Variants in LTBP1 observed in about 807,000 individuals in gnomAD.
LTBP1 encodes latent-transforming growth factor beta-binding protein 1.
In LTBP1, 129 loss-of-function variants were observed where a neutral mutation model predicts 207.6. The observed-to-expected ratio is 0.62, with a 90% CI of 0.54 to 0.72. The LOEUF (loss-of-function observed/expected upper bound fraction) is 0.72. Ranked by LOEUF, LTBP1 falls within the 30% of genes least tolerant of loss-of-function variation. The probability of loss-of-function intolerance (pLI) is 0.00; values close to 1 mark genes in which losing one functional copy is unlikely to be tolerated. For synonymous variants in LTBP1, 963 were observed against 833.7 expected (o/e 1.16, Z -2.67); for missense variants, 2,281 against 2,217.2 (o/e 1.03, Z -0.58).
In LTBP1 at chr2:33,168,242, G is replaced by C. The variant is rs539514153; in HGVS notation, c.1202-18614G>C. Among the ~76,000 whole-genome samples, 6 of 151,970 alleles carry C rather than the reference G, an allele frequency of 3.9e-5. No homozygotes were observed. The South Asian group carries it at 1.2e-3, about 32-fold the overall frequency. Reference sequence around the variant, plus strand: ...AAAATAAAAAAAGAAAATTAGCCAGGCTTAGTGGCACATGCCTGTAGTCCT... The same window carrying C: ...AAAATAAAAAAAGAAAATTAGCCAGCCTTAGTGGCACATGCCTGTAGTCCT... On this transcript the variant is annotated intron_variant, in intron 5 of 33. Transcript: ENST00000404816.
intron 7 of LTBP1, among the ~76,000 whole-genome samples, chr2:33,202,772 C>T (rs959038695): frequency 3.3e-5 from 5 of 152,200 alleles, no homozygotes; most frequent in African/African-American, 9.7e-5. Flanking sequence ...GCCACATGCC[C>T]TTATGGATAG....
chr2:33,198,563 C>A (rs959144988), intron 7 of LTBP1, among the ~76,000 whole-genome samples: 26 of 152,290 alleles, frequency 1.7e-4, no homozygotes, highest in African/African-American at 6.0e-4. Flanking sequence ...GTGATTATTG[C>A]CACCATTTCA....
intron 32 of LTBP1, among the ~76,000 whole-genome samples, chr2:33,396,508 C>T (rs1255782727): frequency 6.6e-6 from 1 of 152,166 alleles, no homozygotes; most frequent in South Asian, 2.1e-4. Context: ...AGGCATGAGC[C>T]CAGACTTTGG....
intron 3 of LTBP1, among the ~76,000 whole-genome samples, chr2:33,103,719 G>T (rs2079893950): frequency 6.6e-6 from 1 of 151,900 alleles, no homozygotes; most frequent in Non-Finnish European, 1.5e-5. Flanking sequence ...TCTCCAGGGG[G>T]AAGAGATTTT....
intron 8 of LTBP1, 21 bp downstream of exon 8, chr2:33,217,675 C>A: frequency 1.3e-6 from 2 of 1,546,984 alleles, no homozygotes; most frequent in South Asian, 1.1e-5. Flanking sequence ...TTTCCTCACT[C>A]CTTTGCAGGT....
chr2:33,098,816 A>G (rs1241776634), intron 3 of LTBP1, among the ~76,000 whole-genome samples: 1 of 152,164 alleles, frequency 6.6e-6, no homozygotes, highest in East Asian at 1.9e-4. Context: ...AGAAATTCCA[A>G]TGCAAAGTAG....
chr2:32,957,173 A>G (rs976736287), intron 2 of LTBP1, among the ~76,000 whole-genome samples: 2 of 152,234 alleles, frequency 1.3e-5, no homozygotes, highest in Non-Finnish European at 2.9e-5. Flanking sequence ...GTTAGCTCCT[A>G]AAAGGAGAGT....
chr2:33,360,302 G>T (rs1314000037), intron 26 of LTBP1, among the ~76,000 whole-genome samples: 1 of 152,168 alleles, frequency 6.6e-6, no homozygotes, highest in East Asian at 1.9e-4. Flanking sequence ...AAGAAAAGGA[G>T]ATATGGAAAC....
chr2:33,372,829 A>C (rs886573182), intron 31 of LTBP1, among the ~76,000 whole-genome samples: 1 of 152,188 alleles, frequency 6.6e-6, no homozygotes, highest in Non-Finnish European at 1.5e-5. Flanking sequence ...GTGCCACTGC[A>C]CTCTAGTTTG....
chr2:33,208,720 A>G (rs1300961775), intron 7 of LTBP1, among the ~76,000 whole-genome samples: 3 of 152,144 alleles, frequency 2.0e-5, no homozygotes, highest in Non-Finnish European at 4.4e-5. Flanking sequence ...GGGCACTTAA[A>G]TGAGTATTAG....
chr2:33,357,368 C>T (rs953876847), intron 26 of LTBP1, among the ~76,000 whole-genome samples: 5 of 152,164 alleles, frequency 3.3e-5, no homozygotes. Context: ...GCCCTCTTCC[C>T]ATTTATCTCA....
intron 22 of LTBP1, among the ~76,000 whole-genome samples, chr2:33,307,052 A>T (rs968373659): frequency 1.3e-5 from 2 of 152,142 alleles, no homozygotes; most frequent in Admixed American, 6.5e-5. Context: ...ACACCGCTGC[A>T]CTCCAGCCTG....
At chr2:33,288,072 C>A (rs1447398116) in intron 19 of LTBP1, among the ~76,000 whole-genome samples, 1 of 152,174 alleles carries the variant, frequency 6.6e-6, no homozygotes, top group Non-Finnish European at 1.5e-5. Flanking sequence ...TTATCCCTAT[C>A]TCAAGTGGTA....
At chr2:33,052,489 C>G (rs2076794720) in intron 3 of LTBP1, among the ~76,000 whole-genome samples, 1 of 152,128 alleles carries the variant, frequency 6.6e-6, no homozygotes, top group Non-Finnish European at 1.5e-5. Context: ...TTTTTAAAAA[C>G]CGAAATAATT....
At position 32,947,638 on chromosome 2, in the gene LTBP1, C is replaced by T. The variant is rs1224855096; in HGVS notation, c.314C>T (p.Pro105Leu). 7 of 1,360,880 alleles carry T rather than the reference C, an allele frequency of 5.1e-6. No individual in the cohort carries two copies. The East Asian group carries it at 2.2e-4, about 43-fold the overall frequency. 84.3% of individuals were successfully genotyped at this position (1,360,880 alleles called of 1,614,324 possible). The stretch of plus-strand genomic sequence containing the variant: ...GGGCTCAGACCGCCGCCGCCGCCGC[C>T]GCCGGAGCCTGCGCGTCCCGCGGTC... ...LQGLRPPPPP[P>L]PEPARPAVPG... The change falls in exon 1 of 34, where the codon CCG (proline) becomes CTG (leucine). Residue 105 changes from proline to leucine, a missense_variant. Physicochemically the swap from Pro to Leu is moderately conservative, Grantham distance 98. This residue lies in a region of LTBP1 where 555 missense variants were observed against 491.0 expected (regional missense o/e 1.13). Transcript: ENST00000404816.
At chr2:33,276,972 G>A (rs376384956) in intron 18 of LTBP1, among the ~76,000 whole-genome samples, 1 of 152,176 alleles carries the variant, frequency 6.6e-6, no homozygotes, top group East Asian at 1.9e-4. Context: ...AAGGAACACG[G>A]GATCTGTGAG....
intron 2 of LTBP1, among the ~76,000 whole-genome samples, chr2:33,019,424 C>G (rs1344209825): frequency 1.4e-5 from 2 of 144,296 alleles, no homozygotes; most frequent in African/African-American, 5.1e-5. Flanking sequence ...TAACCTCTGT[C>G]CTCTGGGTTC....
chr2:33,092,509 AGCC>A (rs1480750861), intron 3 of LTBP1, among the ~76,000 whole-genome samples: 1 of 152,208 alleles, frequency 6.6e-6, no homozygotes, highest in African/African-American at 2.4e-5. Flanking sequence ...CCAGACATTA[AGCC>A]TTCTGGGTTA....
intron 2 of LTBP1, among the ~76,000 whole-genome samples, chr2:32,951,579 C>G (rs1677114632): frequency 6.6e-6 from 1 of 152,242 alleles, no homozygotes; most frequent in East Asian, 1.9e-4. Flanking sequence ...GACCTAAATT[C>G]AAATGCTGCA....
Sources: gnomAD v4.1 joint callset for allele counts (sites outside exome capture counted in the v4.1 genomes callset) on GRCh38, gnomAD v4.1.1 for gene constraint, gnomAD v4.1.1 regional missense constraint, MANE v1.5 for transcripts, NCBI Gene and HGNC (gene_info 2026-07-23, HGNC 2026-07-21) for gene names.